The following TP63 variants were observed in gnomAD, a reference collection of about 807,000 sequenced individuals.
TP63 encodes the protein tumor protein 63.
A neutral mutation model predicts 82.8 loss-of-function variants in TP63; 17 were observed. The observed-to-expected ratio is 0.21, with a 90% CI of 0.14 to 0.31. The LOEUF is 0.31. Ranked by LOEUF, TP63 falls within the 10% of genes least tolerant of loss-of-function variation. The probability of loss-of-function intolerance (pLI) is 1.00; values close to 1 mark genes in which losing one functional copy is unlikely to be tolerated. For missense variants in TP63, 648 were observed against 895.3 expected (o/e 0.72, Z 3.52); for synonymous variants, 330 against 321.7 (o/e 1.03, Z -0.28).
At chr3:189,797,260 C>G (rs979173881) in intron 3 of TP63, among the ~76,000 whole-genome samples, 15 of 152,052 alleles carry the variant, frequency 9.9e-5, no homozygotes, top group African/African-American at 3.6e-4. Flanking sequence ...GCTGGAAACA[C>G]TACAAAAGAA....
In TP63 at chr3:189,738,782, G is replaced by T. The variant is rs376434957; in HGVS notation, c.324+8G>T. 1 of 1,613,830 alleles carries T rather than the reference G, an allele frequency of 6.2e-7. No individual in the cohort carries two copies. Among genetic ancestry groups the T allele is most frequent in the African/African-American group, 1.3e-5 (1 of 74,922 alleles). ...CTGAGTGACCCCATGTGGGTGAGTGGCACAGGCTTTCTCTTCAGTCTTTGG... is the reference window on the plus strand; with the variant it reads ...CTGAGTGACCCCATGTGGGTGAGTGTCACAGGCTTTCTCTTCAGTCTTTGG... On this transcript the variant is annotated splice_region_variant and intron_variant, in intron 3 of 13. Coordinates refer to ENST00000264731, the MANE Select transcript of TP63 (RefSeq NM_003722.5).
intron 3 of TP63, among the ~76,000 whole-genome samples, chr3:189,777,298 G>A (rs1723874937): frequency 6.6e-6 from 1 of 152,110 alleles, no homozygotes; most frequent in Non-Finnish European, 1.5e-5. Context: ...CCAGGTTCAA[G>A]CAATTTTCCT....
At chr3:189,786,209 C>A (rs1021551701) in intron 3 of TP63, among the ~76,000 whole-genome samples, 29 of 151,816 alleles carry the variant, frequency 1.9e-4, no homozygotes, top group African/African-American at 6.8e-4. Flanking sequence ...GTTTTTCATA[C>A]AGACATACAT....
the TP63 span, among the ~76,000 whole-genome samples, chr3:189,597,201 A>G: frequency 1.3e-5 from 2 of 152,226 alleles, no homozygotes. Flanking sequence ...CTGGGAACAG[A>G]GAGACTGGAC....
chr3:189,670,768 A>T (rs1044185724), intron 1 of TP63, among the ~76,000 whole-genome samples: 1 of 152,054 alleles, frequency 6.6e-6, no homozygotes, highest in Non-Finnish European at 1.5e-5. Context: ...CAGCCAGTTG[A>T]TTTTTGACCC....
chr3:189,735,411 C>A (rs1159901791), intron 1 of TP63, among the ~76,000 whole-genome samples: 1 of 152,118 alleles, frequency 6.6e-6, no homozygotes, highest in Non-Finnish European at 1.5e-5. Flanking sequence ...ACTCAGCATG[C>A]TAAAATGCAG....
intron 4 of TP63, among the ~76,000 whole-genome samples, chr3:189,827,637 A>G (rs1711610147): frequency 6.6e-6 from 1 of 152,204 alleles, no homozygotes; most frequent in African/African-American, 2.4e-5. Flanking sequence ...AAAGGCATGG[A>G]GACATGAATG....
chr3:189,840,368 T>C lies in TP63; in HGVS notation c.580-23864T>C, dbSNP rs1277638108. Among the ~76,000 whole-genome samples, 325 of 146,242 alleles carry C rather than the reference T, an allele frequency of 2.2e-3. 11 individuals are homozygous for C. Among genetic ancestry groups the C allele is most frequent in the African/African-American group, 7.7e-3 (308 of 40,098 alleles). On this transcript the variant is annotated intron_variant, in intron 4 of 13. Transcript: ENST00000264731. ...CTTTTTTGCTTTTCGTCTTTTTTTT[T>C]TTTTTTTTTTTTTTTTTTTACAAAT...
chr3:189,875,016 G>T (rs975228185), intron 10 of TP63, among the ~76,000 whole-genome samples: 1 of 145,070 alleles, frequency 6.9e-6, no homozygotes, highest in African/African-American at 2.6e-5. Context: ...AATAAGAAAA[G>T]GTCTCATATG....
intron 1 of TP63, among the ~76,000 whole-genome samples, chr3:189,667,299 C>T (rs996527440): frequency 1.3e-5 from 2 of 151,558 alleles, no homozygotes; most frequent in East Asian, 1.9e-4. Flanking sequence ...CTCAGCCTCC[C>T]GAGTAGCTGG....
chr3:189,621,688 C>T, the TP63 span, among the ~76,000 whole-genome samples: 2 of 152,098 alleles, frequency 1.3e-5, no homozygotes, highest in African/African-American at 4.8e-5. Context: ...TATGTATACT[C>T]AGGGTCTTGA....
At chr3:189,842,736 A>G (rs1278664301) in intron 4 of TP63, among the ~76,000 whole-genome samples, 1 of 152,120 alleles carries the variant, frequency 6.6e-6, no homozygotes, top group African/African-American at 2.4e-5. Flanking sequence ...TCCTGTTTCT[A>G]CACCTCTAAC....
the TP63 span, among the ~76,000 whole-genome samples, chr3:189,619,585 C>G: frequency 6.6e-6 from 1 of 152,168 alleles, no homozygotes; most frequent in Admixed American, 6.5e-5. Flanking sequence ...CACACTTAGC[C>G]TTTAACTGCT....
intron 10 of TP63, chr3:189,880,416 T>A: frequency 9.0e-7 from 1 of 1,110,958 alleles, no homozygotes; most frequent in South Asian, 4.2e-5. Context: ...AGACCGGCCA[T>A]TGGTGGGTGA....
At chr3:189,639,662 T>C (rs919932189) in intron 1 of TP63, among the ~76,000 whole-genome samples, 3 of 152,098 alleles carry the variant, frequency 2.0e-5, no homozygotes, top group Non-Finnish European at 4.4e-5. Flanking sequence ...TTTTTCATAA[T>C]TGAGGGCAAA....
At chr3:189,804,391 A>C (rs1199275063) in intron 3 of TP63, among the ~76,000 whole-genome samples, 2 of 152,188 alleles carry the variant, frequency 1.3e-5, no homozygotes, top group Non-Finnish European at 2.9e-5. Context: ...TATCTTAGAA[A>C]AGCACCATTC....
At position 189,769,499 on chromosome 3, in the gene TP63, A is replaced by G. The variant is rs531534612; in HGVS notation, c.324+30725A>G. On this transcript the variant is annotated intron_variant, in intron 3 of 13. Coordinates refer to ENST00000264731, the MANE Select transcript of TP63 (RefSeq NM_003722.5). Reference sequence around the variant, plus strand: ...AGAAATTGTGTATCCACTGGATGTAAGAACTATGTTTGATCTTTTCTTGGT... The same window carrying G: ...AGAAATTGTGTATCCACTGGATGTAGGAACTATGTTTGATCTTTTCTTGGT... Among the ~76,000 whole-genome samples, 57 of 152,334 alleles carry G rather than the reference A, an allele frequency of 3.7e-4. 2 individuals are homozygous for G. The South Asian group carries it at 8.5e-3, about 23-fold the overall frequency.
At chr3:189,773,883 G>T (rs572755364) in intron 3 of TP63, among the ~76,000 whole-genome samples, 1 of 145,812 alleles carries the variant, frequency 6.9e-6, no homozygotes, top group South Asian at 2.3e-4. Flanking sequence ...TAGGAGGTAA[G>T]AGAACACATA....
chr3:189,788,254 G>T (rs1724775607), intron 3 of TP63, among the ~76,000 whole-genome samples: 1 of 151,906 alleles, frequency 6.6e-6, no homozygotes, highest in Admixed American at 6.6e-5. Flanking sequence ...ATTATATTAT[G>T]GGAGTTTTTT....
Sources: allele counts gnomAD v4.1 joint callset (sites outside exome capture counted in the v4.1 genomes callset), GRCh38; gene constraint gnomAD v4.1.1; transcripts MANE v1.5; gene names NCBI Gene and HGNC (gene_info 2026-07-23, HGNC 2026-07-21).